PLEKHG1: variants seen among roughly 807,000 people sequenced by gnomAD.
PLEKHG1 encodes pleckstrin homology and RhoGEF domain containing G1, also known as pleckstrin homology domain-containing family G member 1.
In PLEKHG1, 44 loss-of-function variants were observed where a neutral mutation model predicts 100.8. The ratio of observed to expected loss-of-function variants is 0.44; its 90% confidence interval spans 0.34 to 0.56. PLEKHG1 has a LOEUF of 0.56. Ranked by LOEUF, PLEKHG1 falls within the 20% of genes least tolerant of loss-of-function variation. The pLI, the probability that PLEKHG1 is intolerant of heterozygous loss-of-function variation, is 0.01. For synonymous variants in PLEKHG1, 640 were observed against 662.5 expected, an observed-to-expected ratio of 0.97 and a Z score of 0.52; for missense variants, 1,545 against 1,720.9, an observed-to-expected ratio of 0.90 and a Z score of 1.81.
At chr6:150,686,973 A>G (rs1351249140) in intron 3 of PLEKHG1, 1 of 152,648 alleles carries the variant, frequency 6.6e-6, no homozygotes, top group African/African-American at 2.4e-5. Context: ...CCGAGCCAAG[A>G]TGGAATTGCA....
chr6:150,734,980 ATTTTTTT>A (rs397888221), intron 2 of PLEKHG1, among the ~76,000 whole-genome samples: 1 of 102,890 alleles, frequency 9.7e-6, no homozygotes, highest in Non-Finnish European at 1.9e-5. Flanking sequence ...TCAAGGGCAG[ATTTTTTT>A]TTTTTTTTTT....
intron 2 of PLEKHG1, among the ~76,000 whole-genome samples, chr6:150,734,692 A>G (rs1782472349): frequency 6.6e-6 from 1 of 152,124 alleles, no homozygotes; most frequent in African/African-American, 2.4e-5. Flanking sequence ...AGGTAGAGAA[A>G]AGTCGTGGGC....
chr6:150,669,852 C>T (rs1779526641), intron 3 of PLEKHG1, among the ~76,000 whole-genome samples: 1 of 152,178 alleles, frequency 6.6e-6, no homozygotes, highest in Non-Finnish European at 1.5e-5. Context: ...CCCACCTCGG[C>T]CTCCCACAGT....
At position 150,683,425 on chromosome 6, in the gene PLEKHG1, C is replaced by T. The variant is rs998079123; in HGVS notation, c.-99+32639C>T. Among the ~76,000 whole-genome samples, 5 of 151,644 alleles carry T rather than the reference C, an allele frequency of 3.3e-5. No homozygotes were observed. The highest frequency in any genetic ancestry group is 1.3e-4 in the Admixed American group (2 of 15,234). On this transcript the variant is annotated intron_variant, in intron 3 of 3. Coordinates refer to the PLEKHG1 transcript ENST00000367326. This position sits in a 1 kb window ranked among gnomAD's most constrained non-coding sequence, Gnocchi z 4.0. ...CCGGAGGGAAATGACTTCATGGGCT[C>T]ACTGTTGAGCTGCTTCCCTTTGCAT...
chr6:150,643,522 A>G (rs1012395467), intron 2 of PLEKHG1, among the ~76,000 whole-genome samples: 1 of 152,194 alleles, frequency 6.6e-6, no homozygotes, highest in African/African-American at 2.4e-5. Context: ...GTGCCTGATG[A>G]GACAGGCAAA....
intron 1 of PLEKHG1, among the ~76,000 whole-genome samples, chr6:150,622,810 A>G (rs1177666758): frequency 6.6e-6 from 1 of 152,216 alleles, no homozygotes; most frequent in Admixed American, 6.5e-5. Context: ...ATTTAAAATC[A>G]GCAAATGTTT....
chr6:150,759,012 C>G (rs887330572), intron 2 of PLEKHG1, among the ~76,000 whole-genome samples: 1 of 152,166 alleles, frequency 6.6e-6, no homozygotes, highest in African/African-American at 2.4e-5. Flanking sequence ...GCCCTGACTC[C>G]CTGTGACTGG....
At chr6:150,788,365 T>G (rs1785757845) in intron 4 of PLEKHG1, among the ~76,000 whole-genome samples, 1 of 152,204 alleles carries the variant, frequency 6.6e-6, no homozygotes, top group Non-Finnish European at 1.5e-5. Flanking sequence ...TTGCTTTAAT[T>G]GGGAGGCCGT....
chr6:150,719,876 G>T (rs1781597350), upstream of PLEKHG1, among the ~76,000 whole-genome samples: 1 of 152,186 alleles, frequency 6.6e-6, no homozygotes, highest in Non-Finnish European at 1.5e-5. Flanking sequence ...GTTGTCTTCT[G>T]AACTATTTCC....
chr6:150,789,330 G>C lies in PLEKHG1; in HGVS notation c.582+2871G>C, dbSNP rs372279976. Among the ~76,000 whole-genome samples the C allele has an allele frequency of 6.6e-4, 100 of 152,238 alleles. No homozygotes were observed. The South Asian group carries it at 9.4e-3, about 14-fold the overall frequency. On this transcript the variant is annotated intron_variant, in intron 4 of 15. Transcript: ENST00000358517. ...ACATTCCCTTAAATCCTTCTAAGCC[G>C]ATTTGGGGTGGCATATTTAATAACT...
At chr6:150,603,783 G>A (rs530775015) in intron 1 of PLEKHG1, among the ~76,000 whole-genome samples, 35 of 152,312 alleles carry the variant, frequency 2.3e-4, no homozygotes, top group African/African-American at 7.9e-4. Context: ...ACCGTTTGAT[G>A]GAAAGCTAAA....
chr6:150,812,700 C>G (rs982999637), intron 10 of PLEKHG1, among the ~76,000 whole-genome samples: 1 of 152,020 alleles, frequency 6.6e-6, no homozygotes, highest in African/African-American at 2.4e-5. Flanking sequence ...GGCTCGAATG[C>G]CGAGTCCATG....
intron 5 of PLEKHG1, among the ~76,000 whole-genome samples, chr6:150,796,496 A>G (rs1049074805): frequency 2.6e-5 from 4 of 152,206 alleles, no homozygotes; most frequent in Admixed American, 6.5e-5. Context: ...TAACCATTTC[A>G]GTAAGGGAGT....
chr6:150,689,479 G>T (rs901835092), intron 3 of PLEKHG1, among the ~76,000 whole-genome samples: 2 of 152,150 alleles, frequency 1.3e-5, no homozygotes, highest in South Asian at 4.1e-4. Context: ...CTAACATTTA[G>T]TCCAGGACCT....
chr6:150,659,145 CTCTCTCTT>C (rs1779085565), intron 3 of PLEKHG1, among the ~76,000 whole-genome samples: 1 of 150,398 alleles, frequency 6.6e-6, no homozygotes, highest in African/African-American at 2.5e-5. Context: ...CTCTCTCTCT[CTCTCTCTT>C]GTTTCTCTGA....
intron 2 of PLEKHG1, among the ~76,000 whole-genome samples, chr6:150,767,059 A>G (rs913236863): frequency 7.2e-5 from 11 of 152,218 alleles, no homozygotes; most frequent in Non-Finnish European, 1.3e-4. Context: ...ACAGACATTC[A>G]CTGCACATTG....
Position 150,809,156 on chromosome 6 carries a change from G to A in PLEKHG1, c.964G>A (p.Gly322Arg), listed in dbSNP as rs1467838789. Residue 322 changes from glycine to arginine, a missense_variant, in exon 8 of 16, where the codon GGG (glycine) becomes AGG (arginine). Transcript: ENST00000358517. ...GAAGGGGCCAGACCTGACCAGCTAC[G>A]GGGAACTGGTGCTTGAGGGAACCTT... 1.7e-5 allele frequency: 28 copies of A among 1,613,412 alleles called. No individual in the cohort carries two copies. The highest frequency in any genetic ancestry group is 2.2e-5 in the East Asian group (1 of 44,828).
intron 1 of PLEKHG1, among the ~76,000 whole-genome samples, chr6:150,632,675 C>T (rs1175715290): frequency 6.6e-6 from 1 of 152,242 alleles, no homozygotes; most frequent in Non-Finnish European, 1.5e-5. Flanking sequence ...AGAATAATTT[C>T]ACAAACATCT....
chr6:150,658,524 C>G (rs1389714125), intron 3 of PLEKHG1, among the ~76,000 whole-genome samples: 1 of 152,196 alleles, frequency 6.6e-6, no homozygotes, highest in Non-Finnish European at 1.5e-5. Flanking sequence ...TAACCAGACT[C>G]TTAGTCAAAT....
Sources: allele counts gnomAD v4.1 joint callset (sites outside exome capture counted in the v4.1 genomes callset), GRCh38; gene constraint gnomAD v4.1.1; non-coding constraint Gnocchi (gnomAD v3.1); transcripts MANE v1.5; gene names NCBI Gene and HGNC (gene_info 2026-07-23, HGNC 2026-07-21).